Variants in ST14 observed in about 807,000 individuals in gnomAD.
The protein encoded by ST14 is ST14 transmembrane serine protease matriptase.
ST14 carries 40 observed loss-of-function variants against 96.5 expected under a neutral mutation model. That is an observed-to-expected ratio of 0.41 (90% CI 0.32 to 0.54). The LOEUF (loss-of-function observed/expected upper bound fraction) is 0.54, where lower values mean the gene tolerates loss of function less well. Among genes scored for constraint, ST14 ranks in the 20% least tolerant of loss-of-function variants. The pLI, the probability that ST14 is intolerant of heterozygous loss-of-function variation, is 0.17. For missense variants in ST14, 1,066 were observed against 1,188.9 expected (o/e 0.90, Z 1.52); for synonymous variants, 506 against 492.1 (o/e 1.03, Z -0.37).
At chr11:130,168,354 A>G (rs1458257468) in intron 1 of ST14, among the ~76,000 whole-genome samples, 2 of 152,196 alleles carry the variant, frequency 1.3e-5, no homozygotes, top group African/African-American at 2.4e-5. Context: ...GCCAGGGTTT[A>G]GAAAACATTT....
chr11:130,198,330 C>A lies in ST14; in HGVS notation c.1482C>A (p.Phe494Leu). 6.2e-7 allele frequency: 1 copy of A among 1,614,208 alleles called. No homozygotes were observed. Among genetic ancestry groups the A allele is most frequent in the Non-Finnish European group, 8.5e-7 (1 of 1,180,050 alleles). ...CAGGTTGCGACGCCGGCCACCAGTT[C>A]ACGTGCAAGAACAAGTTCTGCAAGC... is the stretch of plus-strand genomic sequence containing the variant. ...LNCSCDAGHQFTCKNKFCKPL... is the reference protein window; with the variant it reads ...LNCSCDAGHQLTCKNKFCKPL... The change falls in exon 13 of 19, where the codon TTC (phenylalanine) becomes TTA (leucine). Residue 494 changes from phenylalanine to leucine, a missense_variant. By Grantham distance (22) the Phe-to-Leu change is conservative. Transcript: ENST00000278742.
intron 1 of ST14, among the ~76,000 whole-genome samples, chr11:130,175,783 C>G (rs761438602): frequency 6.6e-6 from 1 of 152,134 alleles, no homozygotes; most frequent in Non-Finnish European, 1.5e-5. Flanking sequence ...CCTGTCTCAG[C>G]CTCCCGAGTA....
intron 16 of ST14, among the ~76,000 whole-genome samples, chr11:130,206,707 A>G (rs1240333687): frequency 6.6e-6 from 1 of 151,798 alleles, no homozygotes; most frequent in African/African-American, 2.4e-5. Context: ...AGCTGGGATT[A>G]CAGGCACCGG....
In ST14 at chr11:130,187,262, G is replaced by A. The variant is rs568388937; in HGVS notation, c.82-852G>A. ...GATTCAGGGCGGGCAGACGGCATGTGCTATCGGCAGAAGCCTTCGCCGGTC... is the reference window on the plus strand; with the variant it reads ...GATTCAGGGCGGGCAGACGGCATGTACTATCGGCAGAAGCCTTCGCCGGTC... On this transcript the variant is annotated intron_variant, in intron 1 of 18. Coordinates refer to ENST00000278742, the MANE Select transcript of ST14 (RefSeq NM_021978.4). The surrounding 1 kb of genome is among the most constrained non-coding windows in gnomAD (Gnocchi z 4.5). 2.6e-5 allele frequency among the ~76,000 whole-genome samples: 4 copies of A among 152,214 alleles called. No homozygotes were observed. Among genetic ancestry groups the A allele is most frequent in the Non-Finnish European group, 5.9e-5 (4 of 68,040 alleles).
intron 16 of ST14, among the ~76,000 whole-genome samples, chr11:130,204,407 G>T (rs375838019): frequency 2.0e-5 from 3 of 152,340 alleles, no homozygotes; most frequent in African/African-American, 7.2e-5. Flanking sequence ...CTTTTGGGAA[G>T]TCATTTTCTG....
In ST14 at chr11:130,159,842, G is replaced by A. The variant is rs1268270735; in HGVS notation, c.-138G>A. 1.9e-5 allele frequency: 5 copies of A among 269,664 alleles called. No individual in the cohort carries two copies. In the East Asian group the frequency reaches 4.3e-4, roughly 23 times the overall value. 16.7% of individuals were successfully genotyped at this position (269,664 alleles called of 1,614,324 possible). A position where few individuals can be genotyped will look rare whatever the true frequency, so the allele number is the denominator to read the frequency against. On this transcript the variant is annotated 5_prime_UTR_variant, in exon 1 of 19. Transcript: ENST00000278742. The stretch of plus-strand genomic sequence containing the variant: ...GGGAGAGAGAGCGCGCCAGGGCGAG[G>A]GCACCGCCGCCGGTCGGGCGCGCTG...
chr11:130,199,484 G>A (rs545735761), intron 15 of ST14, among the ~76,000 whole-genome samples: 3 of 152,340 alleles, frequency 2.0e-5, no homozygotes, highest in South Asian at 4.1e-4. Context: ...GCTGGCCACA[G>A]GTTAGATTTG....
chr11:130,188,769 C>A lies in ST14; in HGVS notation c.370-100C>A, dbSNP rs748726537. 6.2e-7 allele frequency: 1 copy of A among 1,605,892 alleles called. No individual in the cohort carries two copies. Among genetic ancestry groups the A allele is most frequent in the East Asian group, 2.2e-5 (1 of 44,782 alleles). ...CCCAGGGCCCTGGGATGGGGGTGAT[C>A]TGCAAAGGGGACCCGGGCCCTGGAG... On this transcript the variant is annotated intron_variant, in intron 3 of 18. Transcript: ENST00000278742. The surrounding 1 kb of genome is among the most constrained non-coding windows in gnomAD (Gnocchi z 5.4).
At chr11:130,176,479 CCCGGGTTCACA>C (rs942619600) in intron 1 of ST14, among the ~76,000 whole-genome samples, 4 of 151,856 alleles carry the variant, frequency 2.6e-5, no homozygotes, top group African/African-American at 9.7e-5. Flanking sequence ...AGCTCCACTT[CCCGGGTTCACA>C]CCGTTCTCCT....
intron 16 of ST14, among the ~76,000 whole-genome samples, chr11:130,203,310 G>A (rs1953450942): frequency 6.6e-6 from 1 of 152,108 alleles, no homozygotes; most frequent in South Asian, 2.1e-4. Context: ...TCGCCTCCTG[G>A]GTGTTCCTGA....
At chr11:130,194,311 G>C (rs186847837) in intron 8 of ST14, 23 bp downstream of exon 8, 1 of 1,614,024 alleles carries the variant, frequency 6.2e-7, no homozygotes, top group Non-Finnish European at 8.5e-7. Flanking sequence ...AGGGCAGGGC[G>C]GGACTGCCCT....
chr11:130,209,457 T>A lies in ST14; in HGVS notation c.2285T>A (p.Ile762Asn). 6.3e-7 allele frequency: 1 copy of A among 1,585,788 alleles called. No homozygotes were observed. Among genetic ancestry groups the A allele is most frequent in the Non-Finnish European group, 8.6e-7 (1 of 1,166,200 alleles). Residue 762 changes from isoleucine (I) to asparagine (N), a missense_variant, in exon 18 of 19, where the codon ATC becomes AAC. By Grantham distance (149) the Ile-to-Asn change is moderately radical (BLOSUM62 -3). Transcript: ENST00000278742. ...CTCTCCCCAGGCACTGGCGCGCTGA[T>A]CCTGCAAAAGGGTGAGATCCGCGTC... ...HTQYGGTGAL[I>N]LQKGEIRVIN...
In ST14 at chr11:130,159,819, G is replaced by A. The variant is rs962735070; in HGVS notation, c.-161G>A. ...CTGCAGCCGGAGAAAGAGGAAGAGG[G>A]AGAGAGAGCGCGCCAGGGCGAGGGC... On this transcript the variant is annotated 5_prime_UTR_variant, in exon 1 of 19. Transcript: ENST00000278742. The A allele has an allele frequency of 1.4e-5, 3 of 222,060 alleles. No individual in the cohort carries two copies. Among genetic ancestry groups the A allele is most frequent in the Admixed American group, 5.8e-5 (1 of 17,266 alleles). The allele number at this position is 222,060 out of a possible 1,614,324, so 13.8% of individuals were successfully genotyped here.
chr11:130,199,159 C>T, intron 15 of ST14, 90 bp downstream of exon 15: 1 of 1,366,602 alleles, frequency 7.3e-7, no homozygotes, highest in Non-Finnish European at 1.0e-6. Context: ...ATCCCGCCAG[C>T]ACCTCACTTA....
At chr11:130,198,180 G>T in intron 12 of ST14, 128 bp from the exon 13 acceptor site, 1 of 996,922 alleles carries the variant, frequency 1.0e-6, no homozygotes, top group Non-Finnish European at 1.6e-6. Context: ...GTAGCTGGTG[G>T]AGCAGGGCCC....
At chr11:130,163,257 A>T (rs1024134001) in intron 1 of ST14, among the ~76,000 whole-genome samples, 3 of 152,184 alleles carry the variant, frequency 2.0e-5, no homozygotes, top group African/African-American at 7.2e-5. Flanking sequence ...GCTCGCCAGC[A>T]ACAGAGACCT....
Position 130,190,144 on chromosome 11 carries a change from G to C in ST14, c.630G>C (p.Gln210His). The change falls in exon 6 of 19, where the codon CAG becomes CAC. Residue 210 changes from glutamine to histidine, a missense_variant. Transcript: ENST00000278742. ...ACTCCAAAACAGTACAGAGGACCCA[G>C]GACAGTAAGTATCGTGCCCGCCTCC... is the stretch of plus-strand genomic sequence containing the variant. ...PTDSKTVQRTQDNSCSFGLHA... is the reference protein window; with the variant it reads ...PTDSKTVQRTHDNSCSFGLHA... 1 of 1,614,214 alleles carries C rather than the reference G, an allele frequency of 6.2e-7. No individual in the cohort carries two copies. The highest frequency in any genetic ancestry group is 1.1e-5 in the South Asian group (1 of 91,086).
intron 1 of ST14, among the ~76,000 whole-genome samples, chr11:130,166,822 A>G (rs1020208996): frequency 1.3e-5 from 2 of 152,150 alleles, no homozygotes; most frequent in African/African-American, 4.8e-5. Context: ...TCTTCCCCCT[A>G]TGTTTTTATT....
At chr11:130,190,059 A>G (rs1456099611) in intron 5 of ST14, 54 bp from the exon 6 acceptor site, 1 of 1,613,682 alleles carries the variant, frequency 6.2e-7, no homozygotes, top group African/African-American at 1.3e-5. Flanking sequence ...AGGAAGCAGG[A>G]ATAAGGAAAT....
Sources: gnomAD v4.1 joint callset for allele counts (sites outside exome capture counted in the v4.1 genomes callset) on GRCh38, gnomAD v4.1.1 for gene constraint, Gnocchi (gnomAD v3.1) non-coding constraint, MANE v1.5 for transcripts, NCBI Gene and HGNC (gene_info 2026-07-23, HGNC 2026-07-21) for gene names.